The following AKT3 variants were observed in gnomAD, a reference collection of about 807,000 sequenced individuals.
AKT3 encodes the protein AKT serine/threonine kinase 3.
Under a neutral mutation model 65.3 loss-of-function variants are expected in AKT3, and 15 were observed. The observed-to-expected ratio is 0.23, with a 90% confidence interval of 0.15 to 0.35. The LOEUF (loss-of-function observed/expected upper bound fraction) is 0.35. Ranked by LOEUF, AKT3 falls within the 10% of genes least tolerant of loss-of-function variation. The pLI, the probability that AKT3 is intolerant of heterozygous loss-of-function variation, is 1.00. For missense variants in AKT3, 243 were observed against 576.5 expected (o/e 0.42, Z 5.92); for synonymous variants, 206 against 183.8 (o/e 1.12, Z -0.98).
intron 8 of AKT3, among the ~76,000 whole-genome samples, chr1:243,593,457 T>C (rs1215110315): frequency 6.6e-6 from 1 of 152,106 alleles, no homozygotes; most frequent in Non-Finnish European, 1.5e-5. Context: ...GAGGCCTAGG[T>C]GCGTGGATCA....
intron 2 of AKT3, among the ~76,000 whole-genome samples, chr1:243,730,147 G>A (rs1331341050): frequency 6.6e-6 from 1 of 152,052 alleles, no homozygotes; most frequent in Non-Finnish European, 1.5e-5. Flanking sequence ...GTTTTTTCCA[G>A]GTCCACCCAT....
chr1:243,670,494 C>G (rs1683084502), intron 3 of AKT3, among the ~76,000 whole-genome samples: 2 of 152,124 alleles, frequency 1.3e-5, no homozygotes, highest in African/African-American at 4.8e-5. Flanking sequence ...GCCAATACTT[C>G]TTTAGAAGAA....
At chr1:243,690,678 T>G (rs185554866) in intron 3 of AKT3, among the ~76,000 whole-genome samples, 26 of 135,372 alleles carry the variant, frequency 1.9e-4, no homozygotes, top group African/African-American at 7.4e-4. Context: ...GTGCTGGAAA[T>G]GGGGCCCCAA....
intron 2 of AKT3, among the ~76,000 whole-genome samples, chr1:243,814,247 C>G (rs759339537): frequency 2.0e-5 from 3 of 152,114 alleles, no homozygotes; most frequent in Non-Finnish European, 4.4e-5. Context: ...TTTCCAATCA[C>G]TGTAAACATT....
chr1:243,604,519 C>T (rs1677250822), intron 8 of AKT3, among the ~76,000 whole-genome samples: 1 of 152,164 alleles, frequency 6.6e-6, no homozygotes. Context: ...TCTACACATG[C>T]CATTTTACCT....
At chr1:243,801,480 C>T (rs1237457294) in intron 2 of AKT3, among the ~76,000 whole-genome samples, 1 of 152,100 alleles carries the variant, frequency 6.6e-6, no homozygotes, top group Non-Finnish European at 1.5e-5. Flanking sequence ...AAAATCTTTT[C>T]AGGGTTATTA....
intron 2 of AKT3, 129 bp from the exon 3 acceptor site, chr1:243,695,845 T>G: frequency 1.5e-6 from 1 of 666,418 alleles, no homozygotes; most frequent in Non-Finnish European, 2.1e-6. Flanking sequence ...CAATTTTCTT[T>G]TAACTTAGCT....
At chr1:243,807,937 C>A (rs1459989723) in intron 2 of AKT3, among the ~76,000 whole-genome samples, 1 of 152,142 alleles carries the variant, frequency 6.6e-6, no homozygotes, top group African/African-American at 2.4e-5. Context: ...TGAAGTGGAC[C>A]TCCAGCAAAC....
At chr1:243,841,067 T>C (rs1695210911) in intron 2 of AKT3, among the ~76,000 whole-genome samples, 1 of 152,178 alleles carries the variant, frequency 6.6e-6, no homozygotes, top group Non-Finnish European at 1.5e-5. Context: ...TTTATGTTTA[T>C]GCAACTATTC....
intron 12 of AKT3, among the ~76,000 whole-genome samples, chr1:243,517,227 C>T (rs1188929248): frequency 6.6e-6 from 1 of 151,982 alleles, no homozygotes; most frequent in African/African-American, 2.4e-5. Flanking sequence ...TTGTTTTGCT[C>T]AACATATGGT....
intron 2 of AKT3, among the ~76,000 whole-genome samples, chr1:243,779,563 GATAA>G (rs1353213490): frequency 2.6e-5 from 4 of 151,912 alleles, no homozygotes; most frequent in Non-Finnish European, 5.9e-5. Context: ...TATTTAATAA[GATAA>G]ATAATTAACC....
intron 8 of AKT3, among the ~76,000 whole-genome samples, chr1:243,586,735 G>A (rs1675840677): frequency 6.6e-6 from 1 of 152,008 alleles, no homozygotes; most frequent in South Asian, 2.1e-4. Context: ...GAGGAGGGGA[G>A]GGGTTAAAAA....
intron 6 of AKT3, among the ~76,000 whole-genome samples, chr1:243,616,450 C>A (rs1228813084): frequency 6.6e-6 from 1 of 150,932 alleles, no homozygotes; most frequent in African/African-American, 2.4e-5. Context: ...ATATCAAAAG[C>A]AAACTAGTGT....
chr1:243,775,249 C>T (rs192101302), intron 2 of AKT3, among the ~76,000 whole-genome samples: 8 of 152,198 alleles, frequency 5.3e-5, no homozygotes, highest in African/African-American at 1.7e-4. Context: ...GGCTCAATCT[C>T]GGCTCACTGC....
At chr1:243,784,881 C>T (rs1203585985) in intron 2 of AKT3, among the ~76,000 whole-genome samples, 1 of 152,188 alleles carries the variant, frequency 6.6e-6, no homozygotes, top group African/African-American at 2.4e-5. Flanking sequence ...CTACCTCAGC[C>T]TCCCGAGTAG....
At chr1:243,730,001 T>C (rs560728930) in intron 2 of AKT3, among the ~76,000 whole-genome samples, 1 of 152,300 alleles carries the variant, frequency 6.6e-6, no homozygotes, top group South Asian at 2.1e-4. Context: ...CCTAGGCAGA[T>C]TGGGACAGGT....
At chr1:243,662,527 AG>A (rs1344211623) in intron 4 of AKT3, among the ~76,000 whole-genome samples, 3 of 125,578 alleles carry the variant, frequency 2.4e-5, no homozygotes, top group African/African-American at 9.3e-5. Context: ...GGACACAGGA[AG>A]GGGAACATCA....
In AKT3 at chr1:243,545,584, G is replaced by T; in HGVS notation, c.1177C>A (p.Pro393Thr). 5 of 1,611,426 alleles carry T rather than the reference G, an allele frequency of 3.1e-6. No individual in the cohort carries two copies. Among genetic ancestry groups the T allele is most frequent in the Non-Finnish European group, 3.4e-6 (4 of 1,178,022 alleles). ...CTCATAATTTCTTTTGCATCATCTG[G>T]TCCTCCACCAAGGCTATGAGAACAG... is the stretch of plus-strand genomic sequence containing the variant. ...KDPNKRLGGG[P>T]DDAKEIMRHS... Residue 393 changes from proline (P) to threonine (T), a missense_variant, in exon 12 of 14, where the codon CCA becomes ACA. Physicochemically the swap from Pro to Thr is conservative, Grantham distance 38 (BLOSUM62 -1). This residue lies in a region of AKT3 where 57 missense variants were observed against 107.6 expected (regional missense o/e 0.53). Transcript: ENST00000673466.
At chr1:243,625,702 T>A (rs1679108753) in intron 6 of AKT3, among the ~76,000 whole-genome samples, 1 of 152,160 alleles carries the variant, frequency 6.6e-6, no homozygotes, top group Non-Finnish European at 1.5e-5. Flanking sequence ...TGTGAACTGG[T>A]ATTCATCGGG....
Sources: allele counts gnomAD v4.1 joint callset (sites outside exome capture counted in the v4.1 genomes callset), GRCh38; gene constraint gnomAD v4.1.1; regional missense constraint gnomAD v4.1.1; transcripts MANE v1.5; gene names NCBI Gene and HGNC (gene_info 2026-07-23, HGNC 2026-07-21).